SLC39A11: variants seen among roughly 807,000 people sequenced by gnomAD.
SLC39A11 encodes the protein solute carrier family 39 member 11, also known as zinc transporter ZIP11.
Under a neutral mutation model 36.1 loss-of-function variants are expected in SLC39A11, and 33 were observed. That is an observed-to-expected ratio of 0.91 (90% confidence interval 0.69 to 1.22). The LOEUF (loss-of-function observed/expected upper bound fraction) is 1.22, where lower values mean the gene tolerates loss of function less well. SLC39A11 is among the 50% of genes most tolerant of loss of function. The pLI is 0.00. For synonymous variants in SLC39A11, 166 were observed against 170.3 expected, an observed-to-expected ratio of 0.97 and a Z score of 0.20; for missense variants, 432 against 430.3, an observed-to-expected ratio of 1.00 and a Z score of -0.03.
intron 3 of SLC39A11, among the ~76,000 whole-genome samples, chr17:73,076,131 C>A: frequency 2.7e-5 from 4 of 150,438 alleles, no homozygotes; most frequent in Non-Finnish European, 3.0e-5. Context: ...TAATGGTAAC[C>A]ACTCTCCTAT....
chr17:72,898,214 C>T lies in SLC39A11; in HGVS notation c.431-48410G>A, dbSNP rs78677595. 3.9e-5 allele frequency among the ~76,000 whole-genome samples: 6 copies of T among 152,204 alleles called. No individual in the cohort carries two copies. In the South Asian group the frequency reaches 1.0e-3, roughly 26 times the overall value. On this transcript the variant is annotated intron_variant, in intron 5 of 9. Transcript: ENST00000255559. Reference sequence around the variant, plus strand: ...GGAAAGATACCTGCGCACATAGACACGTGGAAGGAAATGCTTGTTTTTCAA... The same window carrying T: ...GGAAAGATACCTGCGCACATAGACATGTGGAAGGAAATGCTTGTTTTTCAA...
At chr17:72,695,080 G>A (rs1280676295) in intron 7 of SLC39A11, among the ~76,000 whole-genome samples, 1 of 152,180 alleles carries the variant, frequency 6.6e-6, no homozygotes, top group African/African-American at 2.4e-5. Flanking sequence ...TGGAAATCAA[G>A]GGAATGGGGT....
At chr17:73,066,593 G>C (rs1343740971) in intron 3 of SLC39A11, among the ~76,000 whole-genome samples, 1 of 152,150 alleles carries the variant, frequency 6.6e-6, no homozygotes, top group Non-Finnish European at 1.5e-5. Flanking sequence ...CATGGCCCAG[G>C]CTTGGCCATT....
Position 72,648,893 on chromosome 17 carries a change from G to A in SLC39A11, c.839C>T (p.Ala280Val), listed in dbSNP as rs61736066. 149,661 of 1,613,938 alleles carry A rather than the reference G, an allele frequency of 0.093. 7,870 individuals carry two copies. Among genetic ancestry groups the A allele is most frequent in the Admixed American group, 0.2 (11,794 of 59,968 alleles). The change falls in exon 9 of 10, where the codon GCT becomes GTT. Residue 280 changes from alanine (A) to valine (V), a missense_variant. Physicochemically the swap from Ala to Val is moderately conservative, Grantham distance 64. Coordinates refer to ENST00000255559, the MANE Select transcript of SLC39A11 (RefSeq NM_139177.4). ...CAGAGCGTAGGGCAGGATGGGCTCA[G>A]CCAGCACCACGGCAAAGGCACCAAA... ...GVFGAFAVVL[A>V]EPILPYALAF...
intron 6 of SLC39A11, among the ~76,000 whole-genome samples, chr17:72,834,946 C>T (rs572379450): frequency 6.6e-6 from 1 of 152,338 alleles, no homozygotes; most frequent in East Asian, 1.9e-4. Flanking sequence ...GCGCGTCTGT[C>T]GCCTGTGCAG....
intron 7 of SLC39A11, among the ~76,000 whole-genome samples, chr17:72,651,931 C>T (rs1364100490): frequency 1.1e-4 from 17 of 152,172 alleles, no homozygotes; most frequent in Non-Finnish European, 4.4e-5. Flanking sequence ...CTATATCACC[C>T]AAGTTTGTGC....
At chr17:72,788,004 C>A (rs142229971) in intron 6 of SLC39A11, among the ~76,000 whole-genome samples, 8 of 152,360 alleles carry the variant, frequency 5.3e-5, no homozygotes, top group African/African-American at 1.9e-4. Flanking sequence ...CCTCCCTGGA[C>A]TGTAAATCCC....
At chr17:72,653,001 A>T (rs1349576669) in intron 7 of SLC39A11, among the ~76,000 whole-genome samples, 1 of 151,972 alleles carries the variant, frequency 6.6e-6, no homozygotes, top group Non-Finnish European at 1.5e-5. Flanking sequence ...AAATGTCTGG[A>T]GGCTGGACGC....
chr17:72,912,798 A>G (rs2083096001), intron 5 of SLC39A11, among the ~76,000 whole-genome samples: 2 of 152,158 alleles, frequency 1.3e-5, no homozygotes, highest in South Asian at 4.1e-4. Flanking sequence ...AGCAATTGGC[A>G]TGATCTTACA....
At chr17:72,942,918 C>T (rs763668422) in intron 5 of SLC39A11, among the ~76,000 whole-genome samples, 8 of 152,232 alleles carry the variant, frequency 5.3e-5, no homozygotes, top group Admixed American at 1.3e-4. Flanking sequence ...CTAGAGAAAC[C>T]GTTCCCAGTC....
intron 4 of SLC39A11, among the ~76,000 whole-genome samples, chr17:72,950,238 A>T (rs1471144798): frequency 2.0e-5 from 3 of 152,174 alleles, no homozygotes; most frequent in African/African-American, 7.2e-5. Flanking sequence ...AACTAAACAA[A>T]CACACACAAA....
intron 4 of SLC39A11, among the ~76,000 whole-genome samples, chr17:72,953,305 A>T (rs2086002480): frequency 6.6e-6 from 1 of 152,168 alleles, no homozygotes; most frequent in Non-Finnish European, 1.5e-5. Context: ...GAGCTGAAGA[A>T]GAAGAATAGC....
intron 5 of SLC39A11, among the ~76,000 whole-genome samples, chr17:72,897,668 G>A (rs1348863119): frequency 6.6e-6 from 1 of 152,198 alleles, no homozygotes; most frequent in Non-Finnish European, 1.5e-5. Context: ...CGACAGCATA[G>A]TGAGGGTCCT....
chr17:72,882,955 C>G (rs1384349045), intron 5 of SLC39A11, among the ~76,000 whole-genome samples: 1 of 151,896 alleles, frequency 6.6e-6, no homozygotes, highest in East Asian at 1.9e-4. Context: ...TGCCATGACA[C>G]CTGGCTAATT....
At chr17:72,869,727 T>C (rs560853071) in intron 5 of SLC39A11, among the ~76,000 whole-genome samples, 9 of 152,176 alleles carry the variant, frequency 5.9e-5, no homozygotes, top group African/African-American at 1.7e-4. Context: ...AAAAAGCACA[T>C]AGAGAAAAGA....
intron 6 of SLC39A11, among the ~76,000 whole-genome samples, chr17:72,783,976 G>A (rs1241852035): frequency 1.3e-5 from 2 of 152,118 alleles, no homozygotes; most frequent in Non-Finnish European, 2.9e-5. Flanking sequence ...GAAGCAGATG[G>A]GAAAGGGAAC....
chr17:73,026,042 C>T (rs558496445), intron 4 of SLC39A11, among the ~76,000 whole-genome samples: 124 of 152,024 alleles, frequency 8.2e-4, no homozygotes, highest in African/African-American at 2.8e-3. Flanking sequence ...AACTTGAACC[C>T]GGGAGGCGGA....
At chr17:72,833,912 A>T (rs2078397125) in intron 6 of SLC39A11, among the ~76,000 whole-genome samples, 1 of 152,130 alleles carries the variant, frequency 6.6e-6, no homozygotes, top group African/African-American at 2.4e-5. Flanking sequence ...TCACAGGATG[A>T]CTCTGCAGCA....
At chr17:72,965,300 C>G (rs888145451) in intron 4 of SLC39A11, among the ~76,000 whole-genome samples, 2 of 151,670 alleles carry the variant, frequency 1.3e-5, no homozygotes, top group African/African-American at 4.8e-5. Flanking sequence ...AAAAAAAAAG[C>G]TGGAGGAAAT....
Sources: allele counts gnomAD v4.1 joint callset (sites outside exome capture counted in the v4.1 genomes callset), GRCh38; gene constraint gnomAD v4.1.1; transcripts MANE v1.5; gene names NCBI Gene and HGNC (gene_info 2026-07-23, HGNC 2026-07-21).